LRIG2: variants seen among roughly 807,000 people sequenced by gnomAD.
LRIG2 encodes the protein leucine-rich repeats and immunoglobulin-like domains protein 2.
LRIG2 carries 93 observed loss-of-function variants against 107.8 expected under a neutral mutation model. The observed-to-expected ratio is 0.86, with a 90% CI of 0.73 to 1.03. LRIG2 has a LOEUF of 1.03. LRIG2 is among the 50% of genes least tolerant of loss of function. The pLI, the probability that LRIG2 is intolerant of heterozygous loss-of-function variation, is 0.00. For missense variants in LRIG2, 1,226 were observed against 1,296.0 expected (o/e 0.95, Z 0.83); for synonymous variants, 471 against 470.6 (o/e 1.00, Z -0.01).
chr1:113,131,299 T>C lies in LRIG2; in HGVS notation c.*7198T>C, dbSNP rs1426812750. On this transcript the variant is annotated 3_prime_UTR_variant, in exon 18 of 18. Coordinates refer to ENST00000361127, the MANE Select transcript of LRIG2 (RefSeq NM_014813.3). Reference sequence around the variant, plus strand: ...GACTCCAATTAGAATGGGGTTGAGATTGTGGCATTCAGTTTTATACCAATA... The same window carrying C: ...GACTCCAATTAGAATGGGGTTGAGACTGTGGCATTCAGTTTTATACCAATA... 6.6e-6 allele frequency: 1 copy of C among 152,240 alleles called. No individual in the cohort carries two copies. The highest frequency in any genetic ancestry group is 1.5e-5 in the Non-Finnish European group (1 of 68,048). The allele number at this position is 152,240 out of a possible 1,614,324, so 9.4% of individuals were successfully genotyped here. A position where few individuals can be genotyped will look rare whatever the true frequency, so the allele number is the denominator to read the frequency against.
At position 113,110,548 on chromosome 1, in the gene LRIG2, A is replaced by G; in HGVS notation, c.1784A>G (p.Lys595Arg). 2 of 1,604,384 alleles carry G rather than the reference A, an allele frequency of 1.2e-6. No homozygotes were observed. The highest frequency in any genetic ancestry group is 1.1e-5 in the South Asian group (1 of 90,488). The part of the protein sequence containing the change: ...HFGSNYSQKA[K>R]LTVNEMPSFL... ...GGTTCTAATTATTCTCAGAAAGCCA[A>G]ACTGACTGTAAATGGTAAGGAATTA... Residue 595 changes from lysine (K) to arginine (R), a missense_variant, in exon 13 of 18, where the codon AAA becomes AGA. Transcript: ENST00000361127.
chr1:113,109,156 A>G (rs969494123), intron 12 of LRIG2, among the ~76,000 whole-genome samples: 10 of 152,218 alleles, frequency 6.6e-5, no homozygotes, highest in African/African-American at 2.4e-4. Flanking sequence ...ATTGCCGCAC[A>G]TTCCCTTTTT....
At chr1:113,108,694 T>G (rs189907151) in intron 12 of LRIG2, among the ~76,000 whole-genome samples, 1 of 151,450 alleles carries the variant, frequency 6.6e-6, no homozygotes, top group Non-Finnish European at 1.5e-5. Flanking sequence ...CTGGCCAGCA[T>G]GGCGAAACCC....
chr1:113,110,141 C>T lies in LRIG2; in HGVS notation c.1478-101C>T, dbSNP rs1654706774. The stretch of plus-strand genomic sequence containing the variant: ...AGTCTCTTTCAACTTTAATATGCCA[C>T]TTTGTAAACAGAACACACAATTTTA... On this transcript the variant is annotated intron_variant, in intron 12 of 17. Transcript: ENST00000361127. 4.7e-6 allele frequency: 4 copies of T among 843,250 alleles called. No individual in the cohort carries two copies. In the East Asian group the frequency reaches 8.0e-5, roughly 17 times the overall value. 52.2% of individuals were successfully genotyped at this position (843,250 alleles called of 1,614,324 possible).
chr1:113,084,419 G>A (rs1454797556), intron 1 of LRIG2, among the ~76,000 whole-genome samples: 1 of 151,816 alleles, frequency 6.6e-6, no homozygotes, highest in Non-Finnish European at 1.5e-5. Context: ...GTTTCACCGT[G>A]TTAGCCAAGA....
chr1:113,088,474 A>G (rs919263473), intron 1 of LRIG2, among the ~76,000 whole-genome samples: 1 of 152,348 alleles, frequency 6.6e-6, no homozygotes, highest in Admixed American at 6.5e-5. Flanking sequence ...ATGTGGGTCA[A>G]TGATTATTGA....
At position 113,100,439 on chromosome 1, in the gene LRIG2, A is replaced by G. The variant is rs771913613; in HGVS notation, c.1264A>G (p.Ile422Val). The change falls in exon 11 of 18, where the codon ATA becomes GTA. Residue 422 changes from isoleucine (I) to valine (V), a missense_variant. Ile to Val is a conservative substitution (Grantham distance 29). Around this residue, in one of 3 missense-constraint regions of LRIG2, gnomAD observed 570 missense variants for 550.2 expected, o/e 1.04. Coordinates refer to ENST00000361127, the MANE Select transcript of LRIG2 (RefSeq NM_014813.3). ...LEHLDLNNNA[I>V]MSIQENAFSQ... ...TTTCAGAGATTTGAACAATAATGCT[A>G]TAATGTCTATCCAAGAAAATGCTTT... 9.1e-6 allele frequency: 14 copies of G among 1,539,822 alleles called. No individual in the cohort carries two copies. The highest frequency in any genetic ancestry group is 1.2e-5 in the Non-Finnish European group (13 of 1,117,208).
chr1:113,110,386 A>G lies in LRIG2; in HGVS notation c.1622A>G (p.Tyr541Cys), dbSNP rs373922008. The change falls in exon 13 of 18, where the codon TAT becomes TGT. Residue 541 changes from tyrosine (Y) to cysteine (C), a missense_variant. Physicochemically the swap from Tyr to Cys is radical, Grantham distance 194 (BLOSUM62 -2). Transcript: ENST00000361127. ...TGGCGCAAAGACAGTGAAATCCTGTATGACGTGGATACTGAGAATTTTGTT... is the reference window on the plus strand; with the variant it reads ...TGGCGCAAAGACAGTGAAATCCTGTGTGACGTGGATACTGAGAATTTTGTT... ...TVWRKDSEIL[Y>C]DVDTENFVRY... 6.1e-5 allele frequency: 98 copies of G among 1,614,088 alleles called. No homozygotes were observed. Among genetic ancestry groups the G allele is most frequent in the Non-Finnish European group, 8.1e-5 (95 of 1,180,042 alleles).
At chr1:113,094,900 C>A in intron 6 of LRIG2, 145 bp downstream of exon 6, 1 of 699,704 alleles carries the variant, frequency 1.4e-6, no homozygotes, top group Non-Finnish European at 2.2e-6. Context: ...GTACATAAAA[C>A]CTTTAAAGTT....
At chr1:113,076,956 C>G (rs977063070) in intron 1 of LRIG2, among the ~76,000 whole-genome samples, 1 of 152,106 alleles carries the variant, frequency 6.6e-6, no homozygotes, top group Non-Finnish European at 1.5e-5. Context: ...TCTTATTTTG[C>G]AAAGTAACTT....
chr1:113,123,338 G>T (rs989725981), intron 17 of LRIG2, among the ~76,000 whole-genome samples: 9 of 152,240 alleles, frequency 5.9e-5, no homozygotes, highest in African/African-American at 2.2e-4. Context: ...ACTTTGGGAG[G>T]CTGAAGCAGG....
Position 113,114,618 on chromosome 1 carries a change from C to A in LRIG2, c.2272C>A (p.Leu758Ile), listed in dbSNP as rs61252084. The A allele has an allele frequency of 3.8e-5, 62 of 1,613,928 alleles. No homozygotes were observed. Among genetic ancestry groups the A allele is most frequent in the Non-Finnish European group, 5.2e-5 (61 of 1,180,022 alleles). Reference protein sequence around the residue: ...NQLLIIVDAGLEDAGKYTCIM... With the variant: ...NQLLIIVDAGIEDAGKYTCIM... ...GCTTCTCATCATTGTAGATGCCGGG[C>A]TAGAAGATGCTGGGAAATATACCTG... Residue 758 changes from leucine (L) to isoleucine (I), a missense_variant, in exon 15 of 18, where the codon CTA becomes ATA. Around this residue, in one of 3 missense-constraint regions of LRIG2, gnomAD observed 642 missense variants for 712.2 expected, o/e 0.90. Transcript: ENST00000361127.
intron 8 of LRIG2, among the ~76,000 whole-genome samples, chr1:113,098,360 C>A (rs560533050): frequency 6.6e-6 from 1 of 152,320 alleles, no homozygotes; most frequent in Non-Finnish European, 1.5e-5. Flanking sequence ...CATCTTGAAA[C>A]CCTCCTGCTC....
At chr1:113,085,231 G>A (rs1653493960) in intron 1 of LRIG2, among the ~76,000 whole-genome samples, 1 of 152,184 alleles carries the variant, frequency 6.6e-6, no homozygotes, top group Non-Finnish European at 1.5e-5. Context: ...ATTAACAGAG[G>A]AACAGTAGTG....
At chr1:113,078,338 G>A (rs896846629) in intron 1 of LRIG2, among the ~76,000 whole-genome samples, 1 of 151,422 alleles carries the variant, frequency 6.6e-6, no homozygotes, top group Non-Finnish European at 1.5e-5. Flanking sequence ...TCCTGGGTTT[G>A]AGCGATTCTC....
At position 113,100,220 on chromosome 1, in the gene LRIG2, A is replaced by G. The variant is rs942147579; in HGVS notation, c.1182A>G (p.Gln394=). 1 of 1,576,066 alleles carries G rather than the reference A, an allele frequency of 6.3e-7. No individual in the cohort carries two copies. Among genetic ancestry groups the G allele is most frequent in the South Asian group, 1.2e-5 (1 of 86,780 alleles). ...TCTGTTTATATTTCAGAATCTTACA[A>G]GGAAACCAGATTAAGTCAATTACAA... ...GLTSLTKLIL[Q]GNQIKSITKK... Residue 394 remains glutamine (Q), a synonymous_variant, in exon 10 of 18, where the codon CAA becomes CAG. Coordinates refer to ENST00000361127, the MANE Select transcript of LRIG2 (RefSeq NM_014813.3).
At chr1:113,089,994 CT>C (rs531111261) in intron 1 of LRIG2, among the ~76,000 whole-genome samples, 123 of 143,348 alleles carry the variant, frequency 8.6e-4, no homozygotes, top group Non-Finnish European at 1.0e-3. Flanking sequence ...TATGCCTGGC[CT>C]TTTTTTTTTT....
At position 113,116,353 on chromosome 1, in the gene LRIG2, A is replaced by G. The variant is rs540239160; in HGVS notation, c.2597A>G (p.Gln866Arg). ...TCCCAAGGAACGCTGTCTGAGCCAC[A>G]GGAAGGCTACAGCAACTCTGAGGCA... is the stretch of plus-strand genomic sequence containing the variant. ...LSSQGTLSEP[Q>R]EGYSNSEAGS... Residue 866 changes from glutamine to arginine, a missense_variant, in exon 16 of 18, where the codon CAG becomes CGG. This residue lies in a region of LRIG2 where 642 missense variants were observed against 712.2 expected (regional missense o/e 0.90). Transcript: ENST00000361127. The G allele has an allele frequency of 1.2e-6, 2 of 1,614,060 alleles. No homozygotes were observed. The highest frequency in any genetic ancestry group is 1.7e-5 in the Admixed American group (1 of 60,010).
At chr1:113,088,076 A>G (rs887312011) in intron 1 of LRIG2, among the ~76,000 whole-genome samples, 1 of 152,202 alleles carries the variant, frequency 6.6e-6, no homozygotes, top group Non-Finnish European at 1.5e-5. Context: ...ATGCTGATGT[A>G]TATTAGTTGC....
Sources: gnomAD v4.1 joint callset for allele counts (sites outside exome capture counted in the v4.1 genomes callset) on GRCh38, gnomAD v4.1.1 for gene constraint, gnomAD v4.1.1 regional missense constraint, MANE v1.5 for transcripts, NCBI Gene and HGNC (gene_info 2026-07-23, HGNC 2026-07-21) for gene names.